The following CNTN5 variants were observed in gnomAD, a reference collection of about 807,000 sequenced individuals.
CNTN5 encodes contactin-5.
CNTN5 carries 77 observed loss-of-function variants against 129.1 expected under a neutral mutation model. The observed-to-expected ratio is 0.60, with a 90% CI of 0.50 to 0.72. The LOEUF (loss-of-function observed/expected upper bound fraction) is 0.72. CNTN5 is among the 30% of genes least tolerant of loss of function. The pLI is 0.00. For missense variants in CNTN5, 1,478 were observed against 1,328.8 expected (o/e 1.11, Z -1.75); for synonymous variants, 509 against 465.6 (o/e 1.09, Z -1.20).
intron 9 of CNTN5, among the ~76,000 whole-genome samples, chr11:100,014,458 G>T (rs1260119434): frequency 1.3e-5 from 2 of 152,032 alleles, no homozygotes; most frequent in Non-Finnish European, 2.9e-5. Context: ...TAGAGATGTT[G>T]TTGTCCCAGC....
intron 1 of CNTN5, among the ~76,000 whole-genome samples, chr11:99,139,954 T>A (rs1478466905): frequency 6.6e-6 from 1 of 152,178 alleles, no homozygotes; most frequent in Non-Finnish European, 1.5e-5. Context: ...ATTAAGTGTC[T>A]TATGAAATTA....
chr11:99,200,197 T>C (rs555493268), intron 1 of CNTN5, among the ~76,000 whole-genome samples: 112 of 152,306 alleles, frequency 7.4e-4, no homozygotes, highest in Non-Finnish European at 1.5e-3. Context: ...ATATTACCAT[T>C]AGCTATCTGA....
chr11:99,541,014 T>G (rs1188812350), intron 2 of CNTN5, among the ~76,000 whole-genome samples: 1 of 152,088 alleles, frequency 6.6e-6, no homozygotes, highest in African/African-American at 2.4e-5. Context: ...CCCTTTAATG[T>G]GTAGCATTCA....
rs191866632 is a variant in CNTN5 at position 100,358,827 on chromosome 11, G to T, written c.*2607G>T. ...AGGCACAGTCAAATAATAGTTCTGT[G>T]TACTGTTCTTGTAACATTAGATCTT... On this transcript the variant is annotated 3_prime_UTR_variant, in exon 25 of 25. Transcript: ENST00000524871. The T allele has an allele frequency of 6.6e-6, 1 of 151,934 alleles. No homozygotes were observed. Among genetic ancestry groups the T allele is most frequent in the Admixed American group, 6.6e-5 (1 of 15,230 alleles). 9.4% of individuals were successfully genotyped at this position (151,934 alleles called of 1,614,324 possible). A position where few individuals can be genotyped will look rare whatever the true frequency, so the allele number is the denominator to read the frequency against.
intron 6 of CNTN5, among the ~76,000 whole-genome samples, chr11:99,885,932 A>C (rs1333658450): frequency 6.6e-6 from 1 of 152,194 alleles, no homozygotes; most frequent in Non-Finnish European, 1.5e-5. Context: ...ACATTAAAAA[A>C]TTAATCATTA....
intron 1 of CNTN5, among the ~76,000 whole-genome samples, chr11:99,237,892 G>T (rs527645921): frequency 3.3e-5 from 5 of 152,092 alleles, no homozygotes; most frequent in East Asian, 1.9e-4. Context: ...CAAACCAAAG[G>T]CCAGGAAAAA....
At chr11:99,836,447 C>T (rs540702355) in intron 4 of CNTN5, among the ~76,000 whole-genome samples, 3 of 152,026 alleles carry the variant, frequency 2.0e-5, no homozygotes, top group Non-Finnish European at 4.4e-5. Flanking sequence ...CCAGCTTCAT[C>T]CATGTCCCTA....
chr11:99,681,617 A>G (rs1591471894), intron 3 of CNTN5, among the ~76,000 whole-genome samples: 1 of 152,048 alleles, frequency 6.6e-6, no homozygotes, highest in Non-Finnish European at 1.5e-5. Context: ...GTAAACATGA[A>G]TTTTATAAGC....
rs969652780 is a variant in CNTN5, at chr11:99,871,189, T to C, written c.577+25927T>C. Among the ~76,000 whole-genome samples the C allele has an allele frequency of 2.0e-5, 3 of 152,204 alleles. No individual in the cohort carries two copies. The East Asian group carries it at 5.8e-4, about 29-fold the overall frequency. ...AATATAATCACTAAGCCCTAGGTAA[T>C]AAAATCAGTTCTTGTAGAAAATATG... On this transcript the variant is annotated intron_variant, in intron 6 of 24. Coordinates refer to ENST00000524871, the MANE Select transcript of CNTN5 (RefSeq NM_014361.4).
chr11:99,584,698 C>A (rs548594422), intron 3 of CNTN5, among the ~76,000 whole-genome samples: 61 of 152,202 alleles, frequency 4.0e-4, no homozygotes, highest in African/African-American at 1.5e-3. Context: ...AGCACTTCTG[C>A]TTCACGCATG....
At chr11:99,148,108 T>C (rs1859874365) in intron 1 of CNTN5, among the ~76,000 whole-genome samples, 1 of 152,092 alleles carries the variant, frequency 6.6e-6, no homozygotes, top group Non-Finnish European at 1.5e-5. Flanking sequence ...TATGTAGTCT[T>C]TTATGCGCCC....
chr11:100,060,577 C>T (rs1267340294), intron 9 of CNTN5, among the ~76,000 whole-genome samples: 1 of 151,390 alleles, frequency 6.6e-6, no homozygotes, highest in Non-Finnish European at 1.5e-5. Flanking sequence ...GCAATAAGCA[C>T]ATATATGTTA....
chr11:100,347,278 G>C lies in CNTN5; in HGVS notation c.3031-3424G>C, dbSNP rs536138460. ...ATCCCTGTATTTCTCTAGCTTCTTG[G>C]GAACTGTATAGTCTATAGCCACTCT... On this transcript the variant is annotated intron_variant, in intron 23 of 24. Coordinates refer to ENST00000524871, the MANE Select transcript of CNTN5 (RefSeq NM_014361.4). 3.3e-5 allele frequency among the ~76,000 whole-genome samples: 5 copies of C among 152,002 alleles called. No individual in the cohort carries two copies. The East Asian group carries it at 9.7e-4, about 30-fold the overall frequency.
At chr11:100,035,977 TC>T (rs1233550838) in intron 9 of CNTN5, among the ~76,000 whole-genome samples, 1 of 152,232 alleles carries the variant, frequency 6.6e-6, no homozygotes, top group African/African-American at 2.4e-5. Context: ...TTTAATTAGA[TC>T]CCATATGTCA....
chr11:100,023,261 C>T (rs536807836), intron 9 of CNTN5, among the ~76,000 whole-genome samples: 20 of 152,208 alleles, frequency 1.3e-4, no homozygotes, highest in South Asian at 4.1e-4. Flanking sequence ...AATTTTCTTT[C>T]GCAATATTTG....
chr11:99,743,800 A>G (rs1489412713), intron 3 of CNTN5, among the ~76,000 whole-genome samples: 2 of 152,218 alleles, frequency 1.3e-5, no homozygotes, highest in African/African-American at 4.8e-5. Flanking sequence ...AGCTCAGTGA[A>G]ATCTTAAGAG....
rs564598431 is a variant in CNTN5, at chr11:100,119,846, T to G, written c.1580+45552T>G. ...TTATACCTAAAAATTGTCATGAGAC[T>G]AGAGATTATTAAACTGCCTGAATTA... On this transcript the variant is annotated intron_variant, in intron 13 of 24. Coordinates refer to ENST00000524871, the MANE Select transcript of CNTN5 (RefSeq NM_014361.4). 4.6e-5 allele frequency among the ~76,000 whole-genome samples: 7 copies of G among 152,074 alleles called. No homozygotes were observed. The South Asian group carries it at 1.5e-3, about 32-fold the overall frequency.
chr11:99,993,883 T>G (rs1490718115), intron 8 of CNTN5, among the ~76,000 whole-genome samples: 3 of 152,166 alleles, frequency 2.0e-5, no homozygotes, highest in Non-Finnish European at 4.4e-5. Flanking sequence ...ATATCATCAC[T>G]CTTAGTGTGA....
intron 1 of CNTN5, among the ~76,000 whole-genome samples, chr11:99,038,586 C>T (rs1472254674): frequency 6.6e-6 from 1 of 152,086 alleles, no homozygotes; most frequent in Non-Finnish European, 1.5e-5. Context: ...GCCTTCATTG[C>T]TTGTTACAAA....
Sources: gnomAD v4.1 joint callset for allele counts (sites outside exome capture counted in the v4.1 genomes callset) on GRCh38, gnomAD v4.1.1 for gene constraint, MANE v1.5 for transcripts, NCBI Gene and HGNC (gene_info 2026-07-23, HGNC 2026-07-21) for gene names.